The following DCBLD2 variants were observed in gnomAD, a reference collection of about 807,000 sequenced individuals.
The protein encoded by DCBLD2 is discoidin, CUB and LCCL domain-containing protein 2.
A neutral mutation model predicts 86.8 loss-of-function variants in DCBLD2; 54 were observed. That is an observed-to-expected ratio of 0.62 (90% CI 0.50 to 0.78). The LOEUF (loss-of-function observed/expected upper bound fraction) is 0.78. Ranked by LOEUF, DCBLD2 falls within the 30% of genes least tolerant of loss-of-function variation. The pLI is 0.00. For synonymous variants in DCBLD2, 354 were observed against 341.3 expected (o/e 1.04, Z -0.41); for missense variants, 908 against 954.2 (o/e 0.95, Z 0.64).
chr3:98,875,572 A>C (rs985949008), intron 2 of DCBLD2, among the ~76,000 whole-genome samples: 3 of 152,186 alleles, frequency 2.0e-5, no homozygotes, highest in Non-Finnish European at 2.9e-5. Flanking sequence ...ATGGATAAAC[A>C]AACAGGAAGG....
intron 2 of DCBLD2, among the ~76,000 whole-genome samples, chr3:98,850,634 T>C (rs1390573925): frequency 6.6e-6 from 1 of 152,198 alleles, no homozygotes; most frequent in Non-Finnish European, 1.5e-5. Flanking sequence ...CTTCCAAAAA[T>C]GTTTTAAGCT....
At chr3:98,813,967 G>A (rs1460518028) in intron 9 of DCBLD2, 1 of 152,140 alleles carries the variant, frequency 6.6e-6, no homozygotes, top group African/African-American at 2.4e-5. Context: ...AAGCTAAAAA[G>A]AGCCCTGTTT....
intron 14 of DCBLD2, 133 bp from the exon 15 acceptor site, chr3:98,800,849 C>A: frequency 1.6e-6 from 2 of 1,235,288 alleles, no homozygotes; most frequent in Non-Finnish European, 2.2e-6. Context: ...CCTTTATAAT[C>A]CAACTTTTTT....
intron 2 of DCBLD2, among the ~76,000 whole-genome samples, chr3:98,873,280 G>A (rs1256957164): frequency 1.3e-5 from 2 of 151,976 alleles, no homozygotes; most frequent in Non-Finnish European, 2.9e-5. Context: ...AGATCAAACA[G>A]ATAAAATAAG....
chr3:98,878,174 T>A (rs1327357370), intron 2 of DCBLD2, among the ~76,000 whole-genome samples: 4 of 152,184 alleles, frequency 2.6e-5, no homozygotes, highest in Non-Finnish European at 5.9e-5. Flanking sequence ...CAGACATGTA[T>A]TGGTTATGAA....
intron 2 of DCBLD2, among the ~76,000 whole-genome samples, chr3:98,880,691 T>C (rs1423282214): frequency 1.3e-5 from 2 of 152,186 alleles, no homozygotes; most frequent in Non-Finnish European, 2.9e-5. Flanking sequence ...GCATATATTA[T>C]ATCTTAGGTG....
chr3:98,841,955 C>T (rs1942629765), intron 3 of DCBLD2, among the ~76,000 whole-genome samples: 1 of 152,120 alleles, frequency 6.6e-6, no homozygotes, highest in Non-Finnish European at 1.5e-5. Context: ...GTCCCAGCTA[C>T]TTGGGAGGCT....
chr3:98,857,972 G>A (rs891121984), intron 2 of DCBLD2, among the ~76,000 whole-genome samples: 2 of 152,248 alleles, frequency 1.3e-5, no homozygotes, highest in South Asian at 2.1e-4. Context: ...CCGTGCGCCC[G>A]CACTCCTCAG....
intron 13 of DCBLD2, among the ~76,000 whole-genome samples, chr3:98,802,346 A>C (rs1941743767): frequency 6.6e-6 from 1 of 152,072 alleles, no homozygotes; most frequent in Admixed American, 6.5e-5. Flanking sequence ...TGGCTGCATA[A>C]ATGTCTTCTT....
rs1332313667 is a variant in DCBLD2, at chr3:98,879,684, T to A, written c.433+1856A>T. 1.3e-5 allele frequency among the ~76,000 whole-genome samples: 2 copies of A among 152,182 alleles called. 1 individual carries two copies. The highest frequency in any genetic ancestry group is 2.9e-5 in the Non-Finnish European group (2 of 68,028). On this transcript the variant is annotated intron_variant, in intron 2 of 15. Transcript: ENST00000326840. The stretch of plus-strand genomic sequence containing the variant: ...AATTTCTTTCAGTGGTTAGCTTGAA[T>A]CAAGATCCAAGCAAAGTCTACATAT...
At chr3:98,862,560 T>G (rs539947451) in intron 2 of DCBLD2, among the ~76,000 whole-genome samples, 2 of 152,314 alleles carry the variant, frequency 1.3e-5, no homozygotes, top group East Asian at 3.9e-4. Flanking sequence ...CAAGGCTGGT[T>G]GAACATATGC....
At chr3:98,896,162 G>A (rs1943746506) in intron 1 of DCBLD2, among the ~76,000 whole-genome samples, 1 of 152,228 alleles carries the variant, frequency 6.6e-6, no homozygotes, top group South Asian at 2.1e-4. Context: ...GGTGAATGAT[G>A]TTTTAGTAGC....
chr3:98,829,179 G>C (rs576222447), intron 3 of DCBLD2, among the ~76,000 whole-genome samples: 21 of 152,176 alleles, frequency 1.4e-4, no homozygotes, highest in Admixed American at 3.9e-4. Context: ...TTTTATTTTA[G>C]ATACGGGGTA....
intron 2 of DCBLD2, among the ~76,000 whole-genome samples, chr3:98,880,597 C>G (rs73138058): frequency 0.17 from 25,184 of 152,070 alleles, 2,177 homozygotes; most frequent in African/African-American, 0.22. Context: ...TTGTTTACTA[C>G]TTAGGTGGCT....
At chr3:98,811,385 T>C in intron 11 of DCBLD2, 66 bp from the exon 12 acceptor site, 2 of 1,611,902 alleles carry the variant, frequency 1.2e-6, no homozygotes, top group Non-Finnish European at 1.7e-6. Context: ...ATAAACTTAT[T>C]TGATAATGCT....
chr3:98,882,266 TTAAA>T (rs1943484504), intron 1 of DCBLD2, among the ~76,000 whole-genome samples: 1 of 152,234 alleles, frequency 6.6e-6, no homozygotes, highest in African/African-American at 2.4e-5. Flanking sequence ...TTAGTAGTCA[TTAAA>T]TATACATATA....
At chr3:98,822,585 T>C in intron 5 of DCBLD2, 84 bp downstream of exon 5, 1 of 1,344,034 alleles carries the variant, frequency 7.4e-7, no homozygotes, top group Non-Finnish European at 1.0e-6. Flanking sequence ...TAAGGATATA[T>C]GATTAACACA....
chr3:98,886,807 C>A (rs1313324076), intron 1 of DCBLD2, among the ~76,000 whole-genome samples: 1 of 138,686 alleles, frequency 7.2e-6, no homozygotes, highest in African/African-American at 2.7e-5. Flanking sequence ...AAAACCCCCC[C>A]CCTTTTTTTT....
chr3:98,824,030 C>T (rs1208176842), intron 4 of DCBLD2, among the ~76,000 whole-genome samples: 2 of 152,000 alleles, frequency 1.3e-5, no homozygotes, highest in Non-Finnish European at 2.9e-5. Context: ...GGCAGGATGG[C>T]CTAGTGTGTG....
Sources: gnomAD v4.1 joint callset for allele counts (sites outside exome capture counted in the v4.1 genomes callset) on GRCh38, gnomAD v4.1.1 for gene constraint, MANE v1.5 for transcripts, NCBI Gene and HGNC (gene_info 2026-07-23, HGNC 2026-07-21) for gene names.